Variants in ALPL observed in about 807,000 individuals in gnomAD.
ALPL encodes the protein alkaline phosphatase, biomineralization associated.
In ALPL, 42 loss-of-function variants were observed where a neutral mutation model predicts 51.3. That is an observed-to-expected ratio of 0.82 (90% CI 0.64 to 1.06). ALPL has a LOEUF of 1.06. Ranked by LOEUF, ALPL falls within the 50% of genes least tolerant of loss-of-function variation. The pLI is 0.00. For missense variants in ALPL, 589 were observed against 709.4 expected (o/e 0.83, Z 1.93); for synonymous variants, 279 against 296.4 (o/e 0.94, Z 0.60).
chr1:21,553,055 A>C (rs1012999573), intron 1 of ALPL, among the ~76,000 whole-genome samples: 2 of 110,874 alleles, frequency 1.8e-5, no homozygotes, highest in Non-Finnish European at 3.7e-5. Flanking sequence ...GTTTTAGGCT[A>C]CTTGGAAAAT....
chr1:21,534,212 G>A (rs1319605938), intron 1 of ALPL, among the ~76,000 whole-genome samples: 1 of 152,202 alleles, frequency 6.6e-6, no homozygotes, highest in Admixed American at 6.5e-5. Context: ...CTGGGCTCAA[G>A]CAGTCCTCCT....
intron 1 of ALPL, among the ~76,000 whole-genome samples, chr1:21,538,073 C>G (rs1296074695): frequency 6.6e-6 from 1 of 152,226 alleles, no homozygotes; most frequent in Non-Finnish European, 1.5e-5. Flanking sequence ...ACTGTTACTT[C>G]TGGCTAACAC....
At chr1:21,576,279 A>G (rs777643127) in intron 10 of ALPL, among the ~76,000 whole-genome samples, 17 of 148,226 alleles carry the variant, frequency 1.1e-4, no homozygotes, top group South Asian at 2.2e-4. Flanking sequence ...GGGTGGATGG[A>G]TGGATGGGTG....
In ALPL at chr1:21,555,573, C is replaced by T. The variant is rs1003231647; in HGVS notation, c.61+1431C>T. 5.9e-5 allele frequency among the ~76,000 whole-genome samples: 9 copies of T among 152,242 alleles called. No homozygotes were observed. The East Asian group carries it at 7.7e-4, about 13-fold the overall frequency. On this transcript the variant is annotated intron_variant, in intron 2 of 11. Transcript: ENST00000374840. ...CTGGGATTACAGGCGTGCGCCGCAACACCCGGCTAATTTTTTGTATTCTTA... is the reference window on the plus strand; with the variant it reads ...CTGGGATTACAGGCGTGCGCCGCAATACCCGGCTAATTTTTTGTATTCTTA...
chr1:21,566,044 G>A (rs74059652), intron 6 of ALPL, among the ~76,000 whole-genome samples: 5,778 of 152,020 alleles, frequency 0.038, 148 homozygotes, highest in African/African-American at 0.043. Context: ...TGTGGGGGGC[G>A]GGGCAAGGGA....
At chr1:21,535,765 C>T (rs189849749) in intron 1 of ALPL, among the ~76,000 whole-genome samples, 1 of 152,114 alleles carries the variant, frequency 6.6e-6, no homozygotes, top group Non-Finnish European at 1.5e-5. Context: ...CTGAGTGGAA[C>T]AAACTCTCAA....
chr1:21,571,447 C>T (rs530128784), intron 8 of ALPL, among the ~76,000 whole-genome samples: 15 of 149,870 alleles, frequency 1.0e-4, no homozygotes, highest in Admixed American at 4.0e-4. Context: ...CCGAGGTGGG[C>T]GGAGCACAAG....
chr1:21,547,266 T>G (rs1025621372), intron 1 of ALPL, among the ~76,000 whole-genome samples: 83 of 152,310 alleles, frequency 5.4e-4, no homozygotes, highest in African/African-American at 2.0e-3. Flanking sequence ...GCACCCCGTT[T>G]CATCCCTTCT....
At chr1:21,567,135 A>G (rs1409341011) in intron 6 of ALPL, among the ~76,000 whole-genome samples, 1 of 152,250 alleles carries the variant, frequency 6.6e-6, no homozygotes, top group African/African-American at 2.4e-5. Context: ...AGAGTGGAGG[A>G]TAGAGCAAGG....
At chr1:21,565,617 A>AGG (rs886293967) in intron 6 of ALPL, among the ~76,000 whole-genome samples, 1 of 98,552 alleles carries the variant, frequency 1.0e-5, no homozygotes, top group African/African-American at 3.9e-5. Flanking sequence ...GGAGATGAGG[A>AGG]GGGGGGGCCG....
intron 1 of ALPL, among the ~76,000 whole-genome samples, chr1:21,547,389 C>T (rs1558539792): frequency 6.6e-6 from 1 of 152,084 alleles, no homozygotes; most frequent in African/African-American, 2.4e-5. Flanking sequence ...TCCCAGGGGC[C>T]CTCTTTGCCC....
chr1:21,569,851 A>G (rs1290624880), intron 7 of ALPL, among the ~76,000 whole-genome samples: 2 of 152,182 alleles, frequency 1.3e-5, no homozygotes, highest in Admixed American at 6.5e-5. Context: ...CCCAAAGCAG[A>G]GCTGGGGCTT....
At chr1:21,510,057 G>A (rs908073628) in intron 1 of ALPL, among the ~76,000 whole-genome samples, 15 of 152,092 alleles carry the variant, frequency 9.9e-5, no homozygotes, top group Admixed American at 8.5e-4. Context: ...GGGGCGTGGC[G>A]GGAGGAGACA....
chr1:21,542,346 G>T (rs900338090), intron 1 of ALPL, among the ~76,000 whole-genome samples: 2 of 152,202 alleles, frequency 1.3e-5, no homozygotes, highest in South Asian at 4.1e-4. Flanking sequence ...CAGGCTAGGG[G>T]ATGCTGGCTC....
intron 4 of ALPL, 107 bp from the exon 5 acceptor site, chr1:21,563,003 C>A: frequency 1.4e-6 from 2 of 1,454,676 alleles, no homozygotes; most frequent in Non-Finnish European, 1.9e-6. Context: ...GCTATGGGGT[C>A]CTCTCTGGTC....
chr1:21,565,746 A>C (rs1644554745), intron 6 of ALPL, among the ~76,000 whole-genome samples: 1 of 145,512 alleles, frequency 6.9e-6, no homozygotes, highest in Non-Finnish European at 1.5e-5. Context: ...CTCCGTCACC[A>C]CCCCCCCAAA....
chr1:21,553,852 A>T, intron 1 of ALPL, 126 bp from the exon 2 acceptor site: 2 of 568,646 alleles, frequency 3.5e-6, no homozygotes, highest in South Asian at 3.8e-5. Context: ...GTTGAGCCCC[A>T]TGCCTGGTCT....
At position 21,509,788 on chromosome 1, in the gene ALPL, C is replaced by T. The variant is rs1330122551; in HGVS notation, c.-105+271C>T. ...CGGAGCCGGCGAACTCAGGGGACCG[C>T]GCTCGGGACCGCCCTGCAGTCCCAG... is the stretch of plus-strand genomic sequence containing the variant. On this transcript the variant is annotated intron_variant, in intron 1 of 11. Coordinates refer to ENST00000374840, the MANE Select transcript of ALPL (RefSeq NM_000478.6). This position sits in a 1 kb window ranked among gnomAD's most constrained non-coding sequence, Gnocchi z 6.0. Among the ~76,000 whole-genome samples the T allele has an allele frequency of 6.6e-6, 1 of 152,132 alleles. No individual in the cohort carries two copies. The highest frequency in any genetic ancestry group is 1.5e-5 in the Non-Finnish European group (1 of 68,016).
Position 21,570,344 on chromosome 1 carries a change from C to G in ALPL, c.832C>G (p.Leu278Val). 1 of 1,614,140 alleles carries G rather than the reference C, an allele frequency of 6.2e-7. No individual in the cohort carries two copies. Among genetic ancestry groups the G allele is most frequent in the South Asian group, 1.1e-5 (1 of 91,082 alleles). Residue 278 changes from leucine to valine, a missense_variant, in exon 8 of 12, where the codon CTT becomes GTT. Transcript: ENST00000374840. ...FIWNRTELLT[L>V]DPHNVDYLLG... ...CTGGAACCGCACGGAACTCCTGACC[C>G]TTGACCCCCACAATGTGGACTACCT...
Sources: allele counts gnomAD v4.1 joint callset (sites outside exome capture counted in the v4.1 genomes callset), GRCh38; gene constraint gnomAD v4.1.1; non-coding constraint Gnocchi (gnomAD v3.1); transcripts MANE v1.5; gene names NCBI Gene and HGNC (gene_info 2026-07-23, HGNC 2026-07-21).